The following AAGAB variants were observed in gnomAD, a reference collection of about 807,000 sequenced individuals.
AAGAB encodes the protein alpha- and gamma-adaptin-binding protein p34.
In AAGAB, 38 loss-of-function variants were observed where a neutral mutation model predicts 44.1. That is an observed-to-expected ratio of 0.86 (90% CI 0.67 to 1.13). The LOEUF is 1.13. AAGAB is among the 50% of genes most tolerant of loss of function. The probability of loss-of-function intolerance (pLI) is 0.00; values close to 1 mark genes in which losing one functional copy is unlikely to be tolerated. For missense variants in AAGAB, 450 were observed against 373.8 expected (o/e 1.20, Z -1.68); for synonymous variants, 131 against 131.8 (o/e 0.99, Z 0.04).
At chr15:67,246,850 G>T (rs1964736798) in intron 1 of AAGAB, among the ~76,000 whole-genome samples, 1 of 152,168 alleles carries the variant, frequency 6.6e-6, no homozygotes, top group Non-Finnish European at 1.5e-5. Context: ...CTGTAAAATG[G>T]ACCAATCAGC....
At chr15:67,222,584 C>T (rs1045780841) in intron 5 of AAGAB, among the ~76,000 whole-genome samples, 1 of 152,076 alleles carries the variant, frequency 6.6e-6, no homozygotes, top group Non-Finnish European at 1.5e-5. Context: ...CCACAAACCC[C>T]CTTTCCCATG....
chr15:67,237,997 T>TAA (rs1964509737), intron 1 of AAGAB, among the ~76,000 whole-genome samples: 1 of 152,200 alleles, frequency 6.6e-6, no homozygotes, highest in Admixed American at 6.5e-5. Flanking sequence ...GCATTATGTA[T>TAA]AAAGTGTGTG....
At chr15:67,222,283 C>CA (rs1964101476) in intron 5 of AAGAB, among the ~76,000 whole-genome samples, 1 of 117,566 alleles carries the variant, frequency 8.5e-6, no homozygotes, top group East Asian at 3.4e-4. Context: ...CACACACACA[C>CA]CCTCCACCCA....
chr15:67,254,892 T>C (rs1596031480), upstream of AAGAB: 1 of 1,613,534 alleles, frequency 6.2e-7, no homozygotes. Context: ...TTCCCTGACC[T>C]AGCCATGGCA....
In AAGAB at chr15:67,201,254, G is replaced by A. The variant is rs546395351; in HGVS notation, c.*1567C>T. On this transcript the variant is annotated 3_prime_UTR_variant, in exon 10 of 10. Coordinates refer to ENST00000261880, the MANE Select transcript of AAGAB (RefSeq NM_024666.5). ...AAAGAAACACTGATGGGCTGGTGGT[G>A]AACCACAGACTCAAAGTCTTTCAGA... 7.1e-6 allele frequency: 1 copy of A among 141,334 alleles called. No individual in the cohort carries two copies. Among genetic ancestry groups the A allele is most frequent in the African/African-American group, 2.6e-5 (1 of 38,082 alleles). 8.8% of individuals were successfully genotyped at this position (141,334 alleles called of 1,614,324 possible).
At chr15:67,230,788 C>G (rs531668823) in intron 5 of AAGAB, among the ~76,000 whole-genome samples, 1 of 152,298 alleles carries the variant, frequency 6.6e-6, no homozygotes, top group African/African-American at 2.4e-5. Flanking sequence ...ACTACATTAC[C>G]CCGGGCCCCA....
rs149423710 is a variant in AAGAB at position 67,240,866 on chromosome 15, A to C, written c.74-4046T>G. Among the ~76,000 whole-genome samples, 179 of 152,324 alleles carry C rather than the reference A, an allele frequency of 1.2e-3. 1 individual carries two copies. The highest frequency in any genetic ancestry group is 4.2e-3 in the African/African-American group (173 of 41,566). ...CTACTGTTCCCTGCATATCCTAATA[A>C]TGATCCTTCCCTCAGAGAAAGTACA... On this transcript the variant is annotated intron_variant, in intron 1 of 9. Transcript: ENST00000261880.
rs148118527 is a variant in AAGAB, at chr15:67,250,456, C to T, written c.73+4103G>A. ...CCTCCCAAAGTGCTGGGATTACAGG[C>T]GTGAGCCACCATGCCTGGCACATGG... On this transcript the variant is annotated intron_variant, in intron 1 of 9. Coordinates refer to ENST00000261880, the MANE Select transcript of AAGAB (RefSeq NM_024666.5). 4.8e-3 allele frequency among the ~76,000 whole-genome samples: 737 copies of T among 152,250 alleles called. 4 individuals carry two copies. Among genetic ancestry groups the T allele is most frequent in the African/African-American group, 0.017 (712 of 41,554 alleles).
At chr15:67,232,619 C>A in intron 4 of AAGAB, 1 of 361,250 alleles carries the variant, frequency 2.8e-6, no homozygotes, top group South Asian at 2.5e-5. Flanking sequence ...TCTTTGAGTT[C>A]AGAACTCATT....
At chr15:67,253,273 G>T (rs1019758187) in intron 1 of AAGAB, among the ~76,000 whole-genome samples, 7 of 136,528 alleles carry the variant, frequency 5.1e-5, no homozygotes, top group Non-Finnish European at 9.4e-5. Flanking sequence ...GGGGGGGGGG[G>T]GGCAATTAGC....
At chr15:67,203,913 T>A in intron 8 of AAGAB, 131 bp downstream of exon 8, 1 of 624,954 alleles carries the variant, frequency 1.6e-6, no homozygotes. Context: ...GTCCCAGGAG[T>A]AGCTAAGTTT....
chr15:67,205,054 G>T (rs1963655428), intron 7 of AAGAB, among the ~76,000 whole-genome samples: 1 of 152,176 alleles, frequency 6.6e-6, no homozygotes. Context: ...GCCCTATGAG[G>T]AAAGATTTAT....
upstream of AAGAB, chr15:67,254,969 G>A (rs755186692): frequency 2.5e-6 from 4 of 1,605,816 alleles, no homozygotes; most frequent in Admixed American, 5.0e-5. Flanking sequence ...GCTTCCCCCG[G>A]CCCTGCCCTG....
intron 5 of AAGAB, among the ~76,000 whole-genome samples, chr15:67,211,374 A>G (rs564414658): frequency 4.0e-4 from 61 of 152,310 alleles, no homozygotes; most frequent in Middle Eastern, 3.4e-3. Flanking sequence ...CCCAATCCAA[A>G]GACAGGGGAC....
intron 4 of AAGAB, chr15:67,232,444 T>C (rs1390773486): frequency 4.6e-6 from 1 of 215,624 alleles, no homozygotes; most frequent in Non-Finnish European, 9.5e-6. Context: ...TTGACCACCA[T>C]CATGAATGAC....
chr15:67,213,678 G>A (rs1476042507), intron 5 of AAGAB, among the ~76,000 whole-genome samples: 1 of 152,100 alleles, frequency 6.6e-6, no homozygotes, highest in Non-Finnish European at 1.5e-5. Context: ...TTACTGTGTG[G>A]TTTTATACAA....
At chr15:67,215,363 A>G (rs1309766846) in intron 5 of AAGAB, among the ~76,000 whole-genome samples, 1 of 152,170 alleles carries the variant, frequency 6.6e-6, no homozygotes, top group Non-Finnish European at 1.5e-5. Flanking sequence ...TATGTAAATA[A>G]GTTTTTATTT....
intron 1 of AAGAB, among the ~76,000 whole-genome samples, chr15:67,243,975 C>T (rs968123905): frequency 1.3e-5 from 2 of 151,972 alleles, no homozygotes; most frequent in African/African-American, 4.8e-5. Context: ...CTAAACAGGA[C>T]AATTACGAGA....
intron 5 of AAGAB, among the ~76,000 whole-genome samples, chr15:67,229,472 C>A (rs78553942): frequency 0.21 from 31,438 of 147,912 alleles, 3,991 homozygotes; most frequent in East Asian, 0.47. Context: ...AAAAAAAAAA[C>A]CCAAAAAAAC....
Sources: gnomAD v4.1 joint callset for allele counts (sites outside exome capture counted in the v4.1 genomes callset) on GRCh38, gnomAD v4.1.1 for gene constraint, MANE v1.5 for transcripts, NCBI Gene and HGNC (gene_info 2026-07-23, HGNC 2026-07-21) for gene names.